ATP6V1H: variants seen among roughly 807,000 people sequenced by gnomAD.
ATP6V1H encodes V-type proton ATPase subunit H.
In ATP6V1H, 39 loss-of-function variants were observed where a neutral mutation model predicts 71.7. The observed-to-expected ratio is 0.54, with a 90% CI of 0.42 to 0.71. ATP6V1H has a LOEUF of 0.71. Ranked by LOEUF, ATP6V1H falls within the 30% of genes least tolerant of loss-of-function variation. ATP6V1H has a pLI of 0.00. For missense variants in ATP6V1H, 509 were observed against 594.9 expected (o/e 0.86, Z 1.50); for synonymous variants, 192 against 199.3 (o/e 0.96, Z 0.31).
At chr8:53,821,710 A>T (rs1810669119) in intron 4 of ATP6V1H, among the ~76,000 whole-genome samples, 1 of 152,124 alleles carries the variant, frequency 6.6e-6, no homozygotes, top group Non-Finnish European at 1.5e-5. Context: ...AGAAAAAAAA[A>T]TGGTACTCTT....
intron 13 of ATP6V1H, among the ~76,000 whole-genome samples, chr8:53,732,956 C>T (rs1585726082): frequency 6.6e-6 from 1 of 152,068 alleles, no homozygotes; most frequent in East Asian, 1.9e-4. Context: ...CAAATCTGGC[C>T]GTGCTCGAGC....
chr8:53,826,672 C>A (rs1481176748), intron 4 of ATP6V1H, among the ~76,000 whole-genome samples: 1 of 151,988 alleles, frequency 6.6e-6, no homozygotes, highest in Non-Finnish European at 1.5e-5. Context: ...TTGGGCTGAG[C>A]GCAGTGGCTC....
chr8:53,803,375 A>G (rs1809978627), intron 7 of ATP6V1H, among the ~76,000 whole-genome samples: 1 of 152,148 alleles, frequency 6.6e-6, no homozygotes, highest in African/African-American at 2.4e-5. Context: ...AAGAGAAAGG[A>G]AAAGAAATTT....
At chr8:53,769,135 G>A (rs1196840938) in intron 11 of ATP6V1H, among the ~76,000 whole-genome samples, 1 of 151,994 alleles carries the variant, frequency 6.6e-6, no homozygotes, top group African/African-American at 2.4e-5. Flanking sequence ...CTAAATATAA[G>A]AAGTTAAACA....
intron 9 of ATP6V1H, among the ~76,000 whole-genome samples, chr8:53,776,138 C>CG (rs1210152531): frequency 7.2e-5 from 11 of 152,350 alleles, no homozygotes; most frequent in African/African-American, 2.6e-4. Flanking sequence ...GCAGCTGGCC[C>CG]GGGTGCTAAG....
rs771448682 is a variant in ATP6V1H, at chr8:53,817,442, C to T, written c.395G>A (p.Arg132His). 1.9e-6 allele frequency: 3 copies of T among 1,612,324 alleles called. No individual in the cohort carries two copies. Among genetic ancestry groups the T allele is most frequent in the Non-Finnish European group, 2.5e-6 (3 of 1,178,670 alleles). ...AWPYFLPMLN[R>H]QDPFTVHMAA... ...CATATGAACAGTGAAGGGATCCTGG[C>T]GATTCAACATTGGCAGAAAGTAGGG... Residue 132 changes from arginine to histidine, a missense_variant, in exon 5 of 14, where the codon CGC (arginine) becomes CAC (histidine). By Grantham distance (29) the Arg-to-His change is conservative. Coordinates refer to ENST00000359530, the MANE Select transcript of ATP6V1H (RefSeq NM_015941.4).
chr8:53,768,982 A>T (rs1031212359), intron 11 of ATP6V1H, among the ~76,000 whole-genome samples: 1 of 152,200 alleles, frequency 6.6e-6, no homozygotes, highest in African/African-American at 2.4e-5. Flanking sequence ...TCTTATTATG[A>T]CAAAGGTAAA....
At chr8:53,779,827 T>C (rs924909466) in intron 9 of ATP6V1H, among the ~76,000 whole-genome samples, 6 of 152,294 alleles carry the variant, frequency 3.9e-5, no homozygotes, top group African/African-American at 1.2e-4. Flanking sequence ...TTAATTTCAT[T>C]ACATGTATTT....
chr8:53,762,462 T>C (rs760642263), intron 11 of ATP6V1H, among the ~76,000 whole-genome samples: 1 of 152,166 alleles, frequency 6.6e-6, no homozygotes, highest in Non-Finnish European at 1.5e-5. Context: ...CGTCAAACCA[T>C]TTGTTTGACA....
intron 9 of ATP6V1H, among the ~76,000 whole-genome samples, chr8:53,782,856 G>C (rs902551142): frequency 2.6e-5 from 4 of 152,038 alleles, no homozygotes; most frequent in African/African-American, 9.7e-5. Flanking sequence ...ATTGATTTTC[G>C]TATGTTGAAC....
chr8:53,801,995 T>C (rs1234517722), intron 7 of ATP6V1H, 99 bp from the exon 8 acceptor site: 3 of 1,047,780 alleles, frequency 2.9e-6, no homozygotes, highest in Non-Finnish European at 4.2e-6. Flanking sequence ...CCTACTGGAA[T>C]TACCATCTGA....
At chr8:53,767,841 T>G (rs2130304915) in intron 11 of ATP6V1H, among the ~76,000 whole-genome samples, 1 of 152,336 alleles carries the variant, frequency 6.6e-6, no homozygotes, top group Middle Eastern at 3.4e-3. Context: ...AACCCAAATG[T>G]AAGAACTAAA....
At chr8:53,759,886 TGAC>T (rs1471422793) in intron 11 of ATP6V1H, among the ~76,000 whole-genome samples, 3 of 152,240 alleles carry the variant, frequency 2.0e-5, no homozygotes, top group African/African-American at 7.2e-5. Flanking sequence ...TGGAATTACC[TGAC>T]GTAAGTGTGG....
At chr8:53,731,264 TTC>T (rs1275255725) in intron 13 of ATP6V1H, among the ~76,000 whole-genome samples, 2 of 152,140 alleles carry the variant, frequency 1.3e-5, no homozygotes, top group African/African-American at 4.8e-5. Context: ...CTACATACAC[TTC>T]TGTCACAGCT....
At chr8:53,733,324 G>A (rs1329295547) in intron 13 of ATP6V1H, among the ~76,000 whole-genome samples, 1 of 152,154 alleles carries the variant, frequency 6.6e-6, no homozygotes, top group East Asian at 1.9e-4. Flanking sequence ...CAGTACACTT[G>A]GACCTGGCTT....
chr8:53,829,546 ATG>A lies in ATP6V1H; in HGVS notation c.217-15_217-14del. On this transcript the variant is annotated splice_polypyrimidine_tract_variant and intron_variant, in intron 3 of 13. Coordinates refer to ENST00000359530, the MANE Select transcript of ATP6V1H (RefSeq NM_015941.4). ...ATGTTTTAGCACACTAAAAAAAAAAATGAAATTAAAGTTATTGTTTTTATTTG... is the reference window on the plus strand; with the variant it reads ...ATGTTTTAGCACACTAAAAAAAAAAAAAATTAAAGTTATTGTTTTTATTTG... 1.4e-6 allele frequency: 2 copies of A among 1,477,818 alleles called. No homozygotes were observed. Among genetic ancestry groups the A allele is most frequent in the Non-Finnish European group, 1.8e-6 (2 of 1,082,738 alleles). 91.5% of individuals were successfully genotyped at this position (1,477,818 alleles called of 1,614,324 possible).
intron 13 of ATP6V1H, among the ~76,000 whole-genome samples, chr8:53,721,023 G>A (rs1563435008): frequency 6.6e-6 from 1 of 151,706 alleles, no homozygotes; most frequent in Non-Finnish European, 1.5e-5. Flanking sequence ...AAAACAAGCT[G>A]GTATAATGTA....
In ATP6V1H at chr8:53,788,801, T is replaced by C. The variant is rs928500365; in HGVS notation, c.870+6846A>G. On this transcript the variant is annotated intron_variant, in intron 9 of 13. Transcript: ENST00000359530. Reference sequence around the variant, plus strand: ...ATTATGAAACAGTTACACTACTCTATTTCTCAGATTTCCATAAAGGTACAT... The same window carrying C: ...ATTATGAAACAGTTACACTACTCTACTTCTCAGATTTCCATAAAGGTACAT... Among the ~76,000 whole-genome samples the C allele has an allele frequency of 2.6e-5, 4 of 152,200 alleles. No individual in the cohort carries two copies. In the South Asian group the frequency reaches 8.3e-4, roughly 31 times the overall value.
intron 9 of ATP6V1H, among the ~76,000 whole-genome samples, chr8:53,778,291 A>G (rs927030433): frequency 6.6e-6 from 1 of 152,206 alleles, no homozygotes; most frequent in Non-Finnish European, 1.5e-5. Context: ...AATCAAGGTA[A>G]TTGGGATGCC....
Sources: allele counts gnomAD v4.1 joint callset (sites outside exome capture counted in the v4.1 genomes callset), GRCh38; gene constraint gnomAD v4.1.1; transcripts MANE v1.5; gene names NCBI Gene and HGNC (gene_info 2026-07-23, HGNC 2026-07-21).